The following PTPN13 variants were observed in gnomAD, a reference collection of about 807,000 sequenced individuals.
PTPN13 encodes the protein tyrosine-protein phosphatase non-receptor type 13.
PTPN13 carries 191 observed loss-of-function variants against 284.0 expected under a neutral mutation model. The ratio of observed to expected loss-of-function variants is 0.67; its 90% CI spans 0.60 to 0.76. The LOEUF is 0.76. Ranked by LOEUF, PTPN13 falls within the 30% of genes least tolerant of loss-of-function variation. The pLI is 0.00. For synonymous variants in PTPN13, 986 were observed against 1,022.3 expected (o/e 0.96, Z 0.68); for missense variants, 2,797 against 2,939.9 (o/e 0.95, Z 1.12).
At chr4:86,678,843 C>G (rs893904837) in intron 3 of PTPN13, among the ~76,000 whole-genome samples, 2 of 152,228 alleles carry the variant, frequency 1.3e-5, no homozygotes, top group South Asian at 4.1e-4. Context: ...GCTTCCACCT[C>G]AGTTCAGTCC....
chr4:86,789,947 A>G (rs1451985779), intron 40 of PTPN13, among the ~76,000 whole-genome samples: 1 of 151,712 alleles, frequency 6.6e-6, no homozygotes, highest in Non-Finnish European at 1.5e-5. Flanking sequence ...GCCCCACTGT[A>G]ACTTATTTCT....
At position 86,758,344 on chromosome 4, in the gene PTPN13, G is replaced by T. The variant is rs1268008448; in HGVS notation, c.3308G>T (p.Gly1103Val). 1.2e-6 allele frequency: 2 copies of T among 1,603,350 alleles called. No individual in the cohort carries two copies. The highest frequency in any genetic ancestry group is 1.6e-4 in the Middle Eastern group (1 of 6,066). Residue 1103 changes from glycine (G) to valine (V), a missense_variant, in exon 21 of 48, where the codon GGC (glycine) becomes GTC (valine). Coordinates refer to ENST00000411767, the MANE Select transcript of PTPN13 (RefSeq NM_080683.3). Reference protein sequence around the residue: ...LVNLKKDAKYGLGFQIIGGEK... With the variant: ...LVNLKKDAKYVLGFQIIGGEK... Reference sequence around the variant, plus strand: ...AACCTGAAAAAAGATGCAAAGTATGGCTTGGGTAAGTCACCGTGAGATTCT... The same window carrying T: ...AACCTGAAAAAAGATGCAAAGTATGTCTTGGGTAAGTCACCGTGAGATTCT...
At chr4:86,807,990 T>C in intron 45 of PTPN13, 93 bp downstream of exon 45, 1 of 1,125,646 alleles carries the variant, frequency 8.9e-7, no homozygotes, top group Admixed American at 2.8e-5. Context: ...ATGTTATTTC[T>C]AGATAAAAGA....
chr4:86,610,713 G>A (rs1278992850), intron 1 of PTPN13, among the ~76,000 whole-genome samples: 1 of 152,160 alleles, frequency 6.6e-6, no homozygotes, highest in East Asian at 1.9e-4. Flanking sequence ...TGCAAATGTG[G>A]TGTAGGCTGT....
intron 2 of PTPN13, among the ~76,000 whole-genome samples, chr4:86,663,297 G>A (rs910938493): frequency 6.6e-6 from 1 of 152,176 alleles, no homozygotes; most frequent in South Asian, 2.1e-4. Flanking sequence ...AAAACCCGAA[G>A]GTACAATTAA....
intron 2 of PTPN13, among the ~76,000 whole-genome samples, chr4:86,657,532 G>A (rs1301311027): frequency 6.6e-6 from 1 of 152,162 alleles, no homozygotes; most frequent in South Asian, 2.1e-4. Context: ...TTGAGGGAGA[G>A]GTGACACAGA....
At chr4:86,785,777 G>A (rs1192815187) in intron 39 of PTPN13, 71 bp from the exon 40 acceptor site, 1 of 892,714 alleles carries the variant, frequency 1.1e-6, no homozygotes, top group Non-Finnish European at 1.7e-6. Flanking sequence ...TTCTTTTGCA[G>A]GCAAATGAAA....
chr4:86,603,956 TAAA>T (rs1251218833), intron 1 of PTPN13, among the ~76,000 whole-genome samples: 2 of 152,072 alleles, frequency 1.3e-5, no homozygotes, highest in South Asian at 2.1e-4. Flanking sequence ...TTTATATAAT[TAAA>T]AAATCAATAT....
intron 7 of PTPN13, among the ~76,000 whole-genome samples, chr4:86,706,300 A>G (rs749644787): frequency 1.3e-5 from 2 of 152,212 alleles, no homozygotes; most frequent in Non-Finnish European, 2.9e-5. Flanking sequence ...AGAAGAGACC[A>G]GATACATGTC....
At chr4:86,739,044 G>A (rs1330720791) in intron 15 of PTPN13, among the ~76,000 whole-genome samples, 1 of 152,046 alleles carries the variant, frequency 6.6e-6, no homozygotes, top group African/African-American at 2.4e-5. Flanking sequence ...TTATTTTCTA[G>A]TTTATGGTTT....
intron 3 of PTPN13, among the ~76,000 whole-genome samples, chr4:86,683,629 AT>A (rs1196418763): frequency 2.0e-5 from 3 of 152,220 alleles, no homozygotes; most frequent in Non-Finnish European, 4.4e-5. Flanking sequence ...ATATCTGGGC[AT>A]CCTTTGGTCC....
chr4:86,738,182 A>G (rs1735749221), intron 15 of PTPN13, among the ~76,000 whole-genome samples: 1 of 152,126 alleles, frequency 6.6e-6, no homozygotes, highest in African/African-American at 2.4e-5. Context: ...ATTCCAGTTC[A>G]CATTTTTCTG....
chr4:86,800,445 A>G (rs1459925916), intron 42 of PTPN13, among the ~76,000 whole-genome samples: 2 of 152,024 alleles, frequency 1.3e-5, no homozygotes, highest in South Asian at 4.2e-4. Context: ...ACCTGAGGTC[A>G]GGAGTTCAAC....
intron 2 of PTPN13, among the ~76,000 whole-genome samples, chr4:86,641,499 G>A (rs912855896): frequency 3.9e-5 from 6 of 152,234 alleles, no homozygotes; most frequent in African/African-American, 1.4e-4. Context: ...ATATTTTTGA[G>A]CCTCCCAGCA....
rs565123047 is a variant in PTPN13 at position 86,613,754 on chromosome 4, C to T, written c.-6+18965C>T. Reference sequence around the variant, plus strand: ...CTGCTATGTTAATTCTTTTTTGCATCGCTAGACAAAGAATAAAGACATTTC... The same window carrying T: ...CTGCTATGTTAATTCTTTTTTGCATTGCTAGACAAAGAATAAAGACATTTC... On this transcript the variant is annotated intron_variant, in intron 1 of 47. Transcript: ENST00000411767. Among the ~76,000 whole-genome samples the T allele has an allele frequency of 1.8e-4, 28 of 151,984 alleles. No homozygotes were observed. The South Asian group carries it at 3.7e-3, about 20-fold the overall frequency.
chr4:86,617,875 T>G (rs1481846988), intron 1 of PTPN13, among the ~76,000 whole-genome samples: 1 of 152,096 alleles, frequency 6.6e-6, no homozygotes, highest in East Asian at 1.9e-4. Flanking sequence ...TTCTGTAGGT[T>G]GCCTGTTCAC....
At position 86,800,661 on chromosome 4, in the gene PTPN13, AAG is replaced by A. The variant is rs764633838; in HGVS notation, c.6505+1469_6505+1470del. Among the ~76,000 whole-genome samples, 3 of 150,566 alleles carry A rather than the reference AAG, an allele frequency of 2.0e-5. No individual in the cohort carries two copies. The East Asian group carries it at 5.9e-4, about 30-fold the overall frequency. ...AGTGAGATCCTGTCAGAAAGAAAGAAAGAGAGAGAGAGAAAGAGAGAGAAGGA... is the reference window on the plus strand; with the variant it reads ...AGTGAGATCCTGTCAGAAAGAAAGAAAGAGAGAGAGAAAGAGAGAGAAGGA... On this transcript the variant is annotated intron_variant, in intron 42 of 47. Coordinates refer to ENST00000411767, the MANE Select transcript of PTPN13 (RefSeq NM_080683.3).
chr4:86,673,772 A>G (rs557135837), intron 3 of PTPN13, among the ~76,000 whole-genome samples: 25 of 152,302 alleles, frequency 1.6e-4, no homozygotes, highest in African/African-American at 5.1e-4. Context: ...CAGTAGCATA[A>G]TCTCGGCTTA....
chr4:86,750,948 T>A, intron 18 of PTPN13, 61 bp downstream of exon 18: 2 of 1,571,806 alleles, frequency 1.3e-6, no homozygotes, highest in Non-Finnish European at 1.7e-6. Context: ...ATACGTTTCT[T>A]TTTGTTATGA....
Sources: gnomAD v4.1 joint callset for allele counts (sites outside exome capture counted in the v4.1 genomes callset) on GRCh38, gnomAD v4.1.1 for gene constraint, MANE v1.5 for transcripts, NCBI Gene and HGNC (gene_info 2026-07-23, HGNC 2026-07-21) for gene names.